Variants in NKAIN4 observed in about 807,000 individuals in gnomAD.
NKAIN4 encodes the protein sodium/potassium transporting ATPase interacting 4.
A neutral mutation model predicts 28.8 loss-of-function variants in NKAIN4; 28 were observed. That is an observed-to-expected ratio of 0.97 (90% CI 0.72 to 1.33). The LOEUF (loss-of-function observed/expected upper bound fraction) is 1.33. Ranked by LOEUF, NKAIN4 falls within the 40% of genes most tolerant of loss-of-function variation. The pLI is 0.00. For synonymous variants in NKAIN4, 122 were observed against 115.6 expected (o/e 1.06, Z -0.36); for missense variants, 289 against 277.2 (o/e 1.04, Z -0.30).
In NKAIN4 at chr20:63,247,894, C is replaced by T. The variant is rs960416066; in HGVS notation, c.274-119G>A. The T allele has an allele frequency of 9.9e-6, 13 of 1,314,286 alleles. No individual in the cohort carries two copies. In the Admixed American group the frequency reaches 4.0e-4, roughly 41 times the overall value. The allele number at this position is 1,314,286 out of a possible 1,614,324, so 81.4% of individuals were successfully genotyped here. A position where few individuals can be genotyped will look rare whatever the true frequency, so the allele number is the denominator to read the frequency against. ...AGGGGAGGTCCTGTCCTCTCACCTC[C>T]CCTGTCCTCCCACTGCACCCCGCCC... On this transcript the variant is annotated intron_variant, in intron 3 of 6. Transcript: ENST00000370316.
rs781105496 is a variant in NKAIN4, at chr20:63,248,852, ATGAAGACG to A, written c.228_235del (p.Val77HisfsTer30). 1 of 1,612,936 alleles carries A rather than the reference ATGAAGACG, an allele frequency of 6.2e-7. No individual in the cohort carries two copies. The highest frequency in any genetic ancestry group is 2.2e-5 in the East Asian group (1 of 44,872). ...ACCGACTTCCAGGTAGAAGCAGATG[ATGAAGACG>A]TTCCAGGTGACCCAGACGGCTGCCC... On this transcript the variant is annotated frameshift_variant, in exon 3 of 7. Transcript: ENST00000370316. LOFTEE classifies it high-confidence loss of function.
At chr20:63,249,909 TA>T (rs907559126) in intron 2 of NKAIN4, 25 bp downstream of exon 2, 29 of 1,596,702 alleles carry the variant, frequency 1.8e-5, no homozygotes, top group Non-Finnish European at 2.4e-5. Flanking sequence ...CACCTGCCCA[TA>T]AAGAGGGCCG....
At position 63,250,070 on chromosome 20, in the gene NKAIN4, G is replaced by A. The variant is rs61746011; in HGVS notation, c.57C>T (p.Val19=). 9.9e-4 allele frequency: 1,547 copies of A among 1,570,510 alleles called. 11 individuals are homozygous for A. In the African/African-American group the frequency reaches 0.018, roughly 19 times the overall value. The part of the protein sequence containing the change: ...ALVVLCAFQL[V]AALERQVFDF... ...CAAACACCTGCCTCTCCAGGGCGGCGACCTAGGAGCAGGGCGGGCGCCATG... is the reference window on the plus strand; with the variant it reads ...CAAACACCTGCCTCTCCAGGGCGGCAACCTAGGAGCAGGGCGGGCGCCATG... The change falls in exon 2 of 7, where the codon GTC becomes GTT. Residue 19 remains valine, a splice_region_variant and synonymous_variant. Transcript: ENST00000370316.
intron 4 of NKAIN4, chr20:63,247,100 A>AGAT: frequency 9.7e-7 from 1 of 1,032,842 alleles, no homozygotes; most frequent in African/African-American, 1.7e-5. Flanking sequence ...CCAGATGCAT[A>AGAT]CGCCAGGGTT....
Position 63,247,596 on chromosome 20 carries a change from G to A in NKAIN4, c.453C>T (p.Cys151=). Residue 151 remains cysteine (C), a synonymous_variant, in exon 4 of 7, where the codon TGC becomes TGT. Coordinates refer to ENST00000370316, the MANE Select transcript of NKAIN4 (RefSeq NM_152864.4). ...CGCTCACCGCGATCAGGATCTGCAG[G>A]CAACTGTGTAGGGCCTCCACATAGC... The part of the protein sequence containing the change: ...EPSYVEALHS[C]LQILIALLGF... The A allele has an allele frequency of 6.5e-7, 1 of 1,547,458 alleles. No homozygotes were observed. The highest frequency in any genetic ancestry group is 2.5e-5 in the East Asian group (1 of 40,796).
chr20:63,254,126 C>T (rs1741639368), intron 1 of NKAIN4: 1 of 457,260 alleles, frequency 2.2e-6, no homozygotes, highest in Non-Finnish European at 4.0e-6. Flanking sequence ...GCCCATCCAG[C>T]CGCTGCCCCG....
rs907836973 is a variant in NKAIN4 at position 63,241,674 on chromosome 20, C to T, written c.618-168G>A. 2.1e-5 allele frequency: 15 copies of T among 718,544 alleles called. No individual in the cohort carries two copies. In the African/African-American group the frequency reaches 2.3e-4, roughly 11 times the overall value. 44.5% of individuals were successfully genotyped at this position (718,544 alleles called of 1,614,324 possible). A position where few individuals can be genotyped will look rare whatever the true frequency, so the allele number is the denominator to read the frequency against. ...GGTGGGACTGAGGCTCTGGAAAGCC[C>T]CCACTGCCTCTCTCTGTGCCGGCAG... On this transcript the variant is annotated intron_variant, in intron 6 of 6. Transcript: ENST00000370316.
chr20:63,242,465 G>A lies in NKAIN4; in HGVS notation c.617+74C>T, dbSNP rs1408016059. 8 of 1,033,642 alleles carry A rather than the reference G, an allele frequency of 7.7e-6. No individual in the cohort carries two copies. The Admixed American group carries it at 1.2e-4, about 15-fold the overall frequency. 64.0% of individuals were successfully genotyped at this position (1,033,642 alleles called of 1,614,324 possible). ...GGCAGGTGCCTGGTGAGGCCCCCAAGGAAGGCAGCCTCTCGCTGTGAGGGC... is the reference window on the plus strand; with the variant it reads ...GGCAGGTGCCTGGTGAGGCCCCCAAAGAAGGCAGCCTCTCGCTGTGAGGGC... On this transcript the variant is annotated intron_variant, in intron 6 of 6. Coordinates refer to ENST00000370316, the MANE Select transcript of NKAIN4 (RefSeq NM_152864.4).
intron 1 of NKAIN4, chr20:63,253,166 G>A (rs747751637): frequency 1.3e-5 from 13 of 978,154 alleles, no homozygotes; most frequent in African/African-American, 1.8e-5. Context: ...CCTGCTTCCA[G>A]CCCCTCCCCA....
intron 5 of NKAIN4, 32 bp downstream of exon 5, chr20:63,243,992 C>T (rs61741774): frequency 0.02 from 32,512 of 1,589,564 alleles, 549 homozygotes; most frequent in African/African-American, 0.08. Context: ...AGCCGTCTCC[C>T]GCCCCACTGC....
Position 63,241,517 on chromosome 20 carries a change from A to T in NKAIN4, c.618-11T>A. 1 of 1,549,784 alleles carries T rather than the reference A, an allele frequency of 6.5e-7. No individual in the cohort carries two copies. Among genetic ancestry groups the T allele is most frequent in the South Asian group, 1.2e-5 (1 of 84,028 alleles). ...CTCACTTACGCAGGCCTGTGGGGACAAGGTCAGAGAGCACCTGGGGGAACA... is the reference window on the plus strand; with the variant it reads ...CTCACTTACGCAGGCCTGTGGGGACTAGGTCAGAGAGCACCTGGGGGAACA... On this transcript the variant is annotated splice_polypyrimidine_tract_variant and intron_variant, in intron 6 of 6. Transcript: ENST00000370316.
In NKAIN4 at chr20:63,247,739, G is replaced by C; in HGVS notation, c.310C>G (p.Arg104Gly). Residue 104 changes from arginine to glycine, a missense_variant, in exon 4 of 7, where the codon CGC becomes GGC. Coordinates refer to ENST00000370316, the MANE Select transcript of NKAIN4 (RefSeq NM_152864.4). ...ELLTFSLSRH[R>G]SWWRERWPGC... ...GGCCAGCGCTCACGCCACCAGGAGC[G>C]ATGCCGGGAGAGGCTGAAGGTCAGT... The C allele has an allele frequency of 6.7e-7, 1 of 1,484,690 alleles. No homozygotes were observed. Among genetic ancestry groups the C allele is most frequent in the Non-Finnish European group, 9.0e-7 (1 of 1,113,250 alleles). The allele number at this position is 1,484,690 out of a possible 1,614,324, so 92.0% of individuals were successfully genotyped here.
rs111617252 is a variant in NKAIN4, at chr20:63,250,086, G to A, written c.55-14C>T. ...CAGGGCGGCGACCTAGGAGCAGGGC[G>A]GGCGCCATGAAGGGTGGACCCGAGG... is the stretch of plus-strand genomic sequence containing the variant. On this transcript the variant is annotated splice_polypyrimidine_tract_variant and intron_variant, in intron 1 of 6. Transcript: ENST00000370316. The A allele has an allele frequency of 2.0e-4, 307 of 1,554,526 alleles. No individual in the cohort carries two copies. In the African/African-American group the frequency reaches 3.4e-3, roughly 17 times the overall value.
In NKAIN4 at chr20:63,241,514, G is replaced by A; in HGVS notation, c.618-8C>T. On this transcript the variant is annotated splice_polypyrimidine_tract_variant and splice_region_variant and intron_variant, in intron 6 of 6. Transcript: ENST00000370316. ...TTCCTCACTTACGCAGGCCTGTGGG[G>A]ACAAGGTCAGAGAGCACCTGGGGGA... 6.5e-7 allele frequency: 1 copy of A among 1,550,156 alleles called. No homozygotes were observed. Among genetic ancestry groups the A allele is most frequent in the East Asian group, 2.4e-5 (1 of 40,874 alleles).
rs141841184 is a variant in NKAIN4, at chr20:63,244,041, G to A, written c.515C>T (p.Thr172Met). Residue 172 changes from threonine to methionine, a missense_variant, in exon 5 of 7, where the codon ACG becomes ATG. Physicochemically the swap from Thr to Met is moderately conservative, Grantham distance 81. Transcript: ENST00000370316. ...VCGCQVVSVFTEEEDSFDFIG... is the reference protein window; with the variant it reads ...VCGCQVVSVFMEEEDSFDFIG... The stretch of plus-strand genomic sequence containing the variant: ...ATACTCACAGCTGTCCTCTTCCTCC[G>A]TAAACACGCTGACCACCTGGCAGCC... 25 of 1,613,460 alleles carry A rather than the reference G, an allele frequency of 1.5e-5. No homozygotes were observed. Among genetic ancestry groups the A allele is most frequent in the African/African-American group, 4.0e-5 (3 of 74,938 alleles).
intron 5 of NKAIN4, among the ~76,000 whole-genome samples, 163 bp from the exon 6 acceptor site, chr20:63,242,786 C>CA (rs1555811085): frequency 0.023 from 1,254 of 53,874 alleles, 11 homozygotes; most frequent in Non-Finnish European, 0.029. Context: ...CCTGGGGGGA[C>CA]GGGGGGGGTG....
chr20:63,248,430 A>G (rs2066899737), intron 3 of NKAIN4: 1 of 196,018 alleles, frequency 5.1e-6, no homozygotes, highest in Non-Finnish European at 1.1e-5. Context: ...GCATTGCAGG[A>G]GGCACGAGGC....
In NKAIN4 at chr20:63,241,263, T is replaced by A. The variant is rs1248310414; in HGVS notation, c.*234A>T. The A allele has an allele frequency of 1.8e-4, 99 of 542,660 alleles. 1 individual carries two copies. The highest frequency in any genetic ancestry group is 5.6e-5 in the Non-Finnish European group (17 of 306,182). 33.6% of individuals were successfully genotyped at this position (542,660 alleles called of 1,614,324 possible). On this transcript the variant is annotated 3_prime_UTR_variant, in exon 7 of 7. Coordinates refer to ENST00000370316, the MANE Select transcript of NKAIN4 (RefSeq NM_152864.4). ...GCCTTTTCTTTTGTATGTTTTCTTTTCTTTTTTTTTTTTAAGAGAAAGGAA... is the reference window on the plus strand; with the variant it reads ...GCCTTTTCTTTTGTATGTTTTCTTTACTTTTTTTTTTTTAAGAGAAAGGAA...
rs567073838 is a variant in NKAIN4 at position 63,251,540 on chromosome 20, C to T, written c.55-1468G>A. Among the ~76,000 whole-genome samples the T allele has an allele frequency of 1.8e-4, 28 of 152,294 alleles. No homozygotes were observed. In the South Asian group the frequency reaches 4.1e-3, roughly 23 times the overall value. ...CGGGCGTCTTCCCAGACGCTGGTGTCACCGCTAGACCAAGGAGCCCTCTGG... is the reference window on the plus strand; with the variant it reads ...CGGGCGTCTTCCCAGACGCTGGTGTTACCGCTAGACCAAGGAGCCCTCTGG... On this transcript the variant is annotated intron_variant, in intron 1 of 6. Transcript: ENST00000370316.
Sources: allele counts gnomAD v4.1 joint callset (sites outside exome capture counted in the v4.1 genomes callset), GRCh38; gene constraint gnomAD v4.1.1; transcripts MANE v1.5; gene names NCBI Gene and HGNC (gene_info 2026-07-23, HGNC 2026-07-21).